Variants in NCAM1 observed in about 807,000 individuals in gnomAD.
NCAM1 encodes antigen recognized by monoclonal antibody 5.1H11.
In NCAM1, 14 loss-of-function variants were observed where a neutral mutation model predicts 109.8. That is an observed-to-expected ratio of 0.13 (90% CI 0.08 to 0.20). The LOEUF is 0.20. Among genes scored for constraint, NCAM1 ranks in the 10% least tolerant of loss-of-function variants. The probability of loss-of-function intolerance (pLI) is 1.00; values close to 1 mark genes in which losing one functional copy is unlikely to be tolerated. For synonymous variants in NCAM1, 418 were observed against 442.9 expected (o/e 0.94, Z 0.70); for missense variants, 774 against 1,109.9 (o/e 0.70, Z 4.30).
chr11:113,182,674 G>T (rs1018550679), intron 1 of NCAM1, among the ~76,000 whole-genome samples: 5 of 152,316 alleles, frequency 3.3e-5, no homozygotes, highest in Middle Eastern at 3.4e-3. Context: ...TCCCCCCAGA[G>T]TTAGGGGCGG....
At chr11:113,173,591 G>GATATATAT (rs5794851) in intron 1 of NCAM1, among the ~76,000 whole-genome samples, 89 of 126,696 alleles carry the variant, frequency 7.0e-4, no homozygotes, top group South Asian at 1.5e-3. Context: ...CATGTTACCT[G>GATATATAT]ATATATATAT....
In NCAM1 at chr11:113,118,218, T is replaced by C. The variant is rs181597108; in HGVS notation, c.53-84161T>C. On this transcript the variant is annotated intron_variant, in intron 1 of 19. Coordinates refer to ENST00000316851, the MANE Select transcript of NCAM1 (RefSeq NM_181351.5). ...CTAAAAATAAGATGTTAAATCTTTT[T>C]ACTCTTTTGTGCTCTCAGAGGACAT... Among the ~76,000 whole-genome samples the C allele has an allele frequency of 1.3e-3, 198 of 152,086 alleles. 5 individuals carry two copies. The highest frequency in any genetic ancestry group is 4.4e-3 in the African/African-American group (184 of 41,352).
At chr11:113,145,203 G>A (rs908134052) in intron 1 of NCAM1, among the ~76,000 whole-genome samples, 2 of 152,164 alleles carry the variant, frequency 1.3e-5, no homozygotes, top group Non-Finnish European at 2.9e-5. Flanking sequence ...ATCTTCAAAT[G>A]TAAACATATA....
At chr11:113,176,327 G>C (rs1943142514) in intron 1 of NCAM1, among the ~76,000 whole-genome samples, 1 of 152,302 alleles carries the variant, frequency 6.6e-6, no homozygotes, top group Middle Eastern at 3.4e-3. Context: ...AAAAGCAAAG[G>C]TGTATGGTAA....
intron 1 of NCAM1, among the ~76,000 whole-genome samples, chr11:113,012,859 A>G (rs1389274729): frequency 6.6e-6 from 1 of 152,226 alleles, no homozygotes; most frequent in Non-Finnish European, 1.5e-5. Flanking sequence ...GGAGAACATT[A>G]TTCAACCCCA....
chr11:113,160,962 T>C (rs1392175942), intron 1 of NCAM1, among the ~76,000 whole-genome samples: 1 of 152,208 alleles, frequency 6.6e-6, no homozygotes, highest in Non-Finnish European at 1.5e-5. Context: ...TTCTTGTCCA[T>C]TGAGATGCAC....
chr11:113,179,343 A>G (rs1221711042), intron 1 of NCAM1, among the ~76,000 whole-genome samples: 1 of 152,276 alleles, frequency 6.6e-6, no homozygotes, highest in Non-Finnish European at 1.5e-5. Context: ...GGAGCAAAAT[A>G]AGAGCACATT....
At chr11:113,207,484 AATAT>A in intron 6 of NCAM1, 106 bp downstream of exon 6, 1 of 848,690 alleles carries the variant, frequency 1.2e-6, no homozygotes, top group Non-Finnish European at 1.9e-6. Flanking sequence ...GCTTCTTAGG[AATAT>A]TAACCCCAGG....
rs370718610 is a variant in NCAM1 at position 113,261,346 on chromosome 11, G to A, written c.2131+1023G>A. 9.7e-4 allele frequency among the ~76,000 whole-genome samples: 147 copies of A among 152,262 alleles called. 1 individual carries two copies. In the East Asian group the frequency reaches 0.022, roughly 23 times the overall value. On this transcript the variant is annotated intron_variant, in intron 17 of 19. Transcript: ENST00000316851. ...TGGGCTAGGAGAGCAGCAACAAAAC[G>A]GGATCAGTGTGTGGTTCCCAGTGGT...
intron 15 of NCAM1, among the ~76,000 whole-genome samples, chr11:113,249,709 T>G (rs1945606740): frequency 6.6e-6 from 1 of 152,202 alleles, no homozygotes. Context: ...CATATTTTCT[T>G]TTTAGGATGA....
intron 7 of NCAM1, among the ~76,000 whole-genome samples, chr11:113,208,307 A>G (rs528549109): frequency 2.6e-5 from 4 of 152,274 alleles, no homozygotes; most frequent in African/African-American, 7.2e-5. Flanking sequence ...GTGGCTCCCT[A>G]TGGCAACCAG....
rs1400235590 is a variant in NCAM1, at chr11:113,273,501, G to T, written c.2456+1625G>T. On this transcript the variant is annotated intron_variant, in intron 19 of 19. Coordinates refer to ENST00000316851, the MANE Select transcript of NCAM1 (RefSeq NM_181351.5). This position sits in a 1 kb window ranked among gnomAD's most constrained non-coding sequence, Gnocchi z 6.0. ...CCAGCCCGGAGCCGCGAAGAGCCCG[G>T]CCGAGGCAGCCACAGCCCTTGCTAG... 1 of 333,316 alleles carries T rather than the reference G, an allele frequency of 3.0e-6. No individual in the cohort carries two copies. The highest frequency in any genetic ancestry group is 2.2e-5 in the African/African-American group (1 of 45,878). 20.6% of individuals were successfully genotyped at this position (333,316 alleles called of 1,614,324 possible).
intron 1 of NCAM1, among the ~76,000 whole-genome samples, chr11:113,044,844 C>G (rs1349115816): frequency 1.3e-5 from 2 of 152,054 alleles, no homozygotes; most frequent in Non-Finnish European, 2.9e-5. Context: ...AGCTCTGCCT[C>G]GCAGGTTCAC....
At chr11:113,155,660 A>G (rs1400197645) in intron 1 of NCAM1, among the ~76,000 whole-genome samples, 21 of 152,104 alleles carry the variant, frequency 1.4e-4, no homozygotes, top group African/African-American at 5.1e-4. Context: ...AGTGAACTGA[A>G]TCTTCTTTCT....
intron 1 of NCAM1, among the ~76,000 whole-genome samples, chr11:113,142,514 G>C (rs1941865277): frequency 6.6e-6 from 1 of 152,174 alleles, no homozygotes; most frequent in Admixed American, 6.5e-5. Context: ...CTAGGGGACA[G>C]GTACCAGTGT....
At chr11:113,272,919 C>T (rs1555125769) in intron 19 of NCAM1, 1 of 456,826 alleles carries the variant, frequency 2.2e-6, no homozygotes, top group Non-Finnish European at 4.4e-6. Flanking sequence ...CTTCTACTTC[C>T]TGTCCTCCCA....
intron 1 of NCAM1, among the ~76,000 whole-genome samples, chr11:113,109,644 G>C (rs1940349863): frequency 6.6e-6 from 1 of 152,172 alleles, no homozygotes; most frequent in Non-Finnish European, 1.5e-5. Flanking sequence ...TTGTTTTGTT[G>C]TTCAGAGAAG....
At chr11:113,004,663 A>G (rs1490277075) in intron 1 of NCAM1, among the ~76,000 whole-genome samples, 1 of 151,956 alleles carries the variant, frequency 6.6e-6, no homozygotes, top group Non-Finnish European at 1.5e-5. Flanking sequence ...TCAGGGTGAT[A>G]TTTCAGTATC....
chr11:113,228,292 GACAA>G (rs1944906911), intron 9 of NCAM1, among the ~76,000 whole-genome samples: 5 of 152,220 alleles, frequency 3.3e-5, no homozygotes, highest in African/African-American at 2.4e-5. Context: ...ACCAATAACA[GACAA>G]ACAGAGAGCC....
Sources: gnomAD v4.1 joint callset for allele counts (sites outside exome capture counted in the v4.1 genomes callset) on GRCh38, gnomAD v4.1.1 for gene constraint, Gnocchi (gnomAD v3.1) non-coding constraint, MANE v1.5 for transcripts, NCBI Gene and HGNC (gene_info 2026-07-23, HGNC 2026-07-21) for gene names.